GABRB1: variants seen among roughly 807,000 people sequenced by gnomAD.
GABRB1 encodes gamma-aminobutyric acid receptor subunit beta-1.
In GABRB1, 17 loss-of-function variants were observed where a neutral mutation model predicts 51.6. The ratio of observed to expected loss-of-function variants is 0.33; its 90% CI spans 0.23 to 0.49. GABRB1 has a LOEUF of 0.49. GABRB1 is among the 20% of genes least tolerant of loss of function. The pLI is 0.99. For synonymous variants in GABRB1, 247 were observed against 218.9 expected (o/e 1.13, Z -1.14); for missense variants, 410 against 600.6 (o/e 0.68, Z 3.32).
At position 47,370,037 on chromosome 4, in the gene GABRB1, A is replaced by AGG. The variant is rs1560355319; in HGVS notation, c.545-33281_545-33280insGG. ...TAAAGATGCTTCTCTTCAATTTCCT[A>AGG]AAGAACTGTCCCAAACCTGATTTCC... On this transcript the variant is annotated intron_variant, in intron 5 of 8. Transcript: ENST00000295454. 3.0e-3 allele frequency among the ~76,000 whole-genome samples: 455 copies of AGG among 152,256 alleles called. 2 individuals carry two copies. The highest frequency in any genetic ancestry group is 0.01 in the African/African-American group (434 of 41,544).
intron 3 of GABRB1, among the ~76,000 whole-genome samples, chr4:47,160,792 A>T (rs1318376057): frequency 2.0e-5 from 3 of 151,414 alleles, no homozygotes; most frequent in African/African-American, 7.3e-5. Context: ...TTAACTAATT[A>T]TATATTTTTT....
intron 1 of GABRB1, 86 bp downstream of exon 1, chr4:47,031,817 T>C (rs1725315145): frequency 4.0e-6 from 6 of 1,490,880 alleles, no homozygotes; most frequent in East Asian, 4.5e-5. Flanking sequence ...TGCTGGATCA[T>C]GTATCTTGTT....
chr4:47,326,069 A>T lies in GABRB1; in HGVS notation c.544+5860A>T, dbSNP rs185129176. Among the ~76,000 whole-genome samples, 173 of 152,292 alleles carry T rather than the reference A, an allele frequency of 1.1e-3. 1 individual carries two copies. Among genetic ancestry groups the T allele is most frequent in the African/African-American group, 3.9e-3 (164 of 41,576 alleles). On this transcript the variant is annotated intron_variant, in intron 5 of 8. Coordinates refer to ENST00000295454, the MANE Select transcript of GABRB1 (RefSeq NM_000812.4). ...AGTTTTAAATTATACCCTTGATTGG[A>T]GCATGATGAAATCGCCTACGATCCT... is the stretch of plus-strand genomic sequence containing the variant.
chr4:47,403,198 CTAGTT>C, intron 5 of GABRB1, 115 bp from the exon 6 acceptor site: 1 of 1,002,724 alleles, frequency 1.0e-6, no homozygotes, highest in Non-Finnish European at 1.5e-6. Flanking sequence ...GCATACCACC[CTAGTT>C]TAAAGCAATG....
intron 4 of GABRB1, among the ~76,000 whole-genome samples, chr4:47,210,999 G>A (rs1486466782): frequency 6.6e-6 from 1 of 152,182 alleles, no homozygotes; most frequent in Non-Finnish European, 1.5e-5. Context: ...AGAGCTAAGA[G>A]TTCTATTCCC....
chr4:47,259,334 G>T (rs1722334540), intron 4 of GABRB1, among the ~76,000 whole-genome samples: 3 of 152,168 alleles, frequency 2.0e-5, no homozygotes, highest in African/African-American at 7.2e-5. Context: ...AGGGAGAAAA[G>T]AAAATAAAAA....
At chr4:47,078,613 C>T (rs1346829687) in intron 3 of GABRB1, among the ~76,000 whole-genome samples, 2 of 152,082 alleles carry the variant, frequency 1.3e-5, no homozygotes, top group Non-Finnish European at 2.9e-5. Flanking sequence ...GCTTCTTAGT[C>T]TTTCTTACGA....
intron 3 of GABRB1, among the ~76,000 whole-genome samples, chr4:47,099,711 C>G (rs1714639351): frequency 6.6e-6 from 1 of 151,836 alleles, no homozygotes; most frequent in African/African-American, 2.4e-5. Context: ...AGTTGTAGAG[C>G]AGGAAACTTA....
chr4:47,130,204 C>T (rs188967562), intron 3 of GABRB1, among the ~76,000 whole-genome samples: 1 of 152,232 alleles, frequency 6.6e-6, no homozygotes, highest in East Asian at 1.9e-4. Flanking sequence ...CTTTCACTGT[C>T]TTCCCACTTC....
In GABRB1 at chr4:47,322,970, A is replaced by AAACAAC. The variant is rs58096811; in HGVS notation, c.544+2785_544+2790dup. The stretch of plus-strand genomic sequence containing the variant: ...TGTGACAGAGTGAGACTCCATTTCA[A>AAACAAC]AACAACAACAACAACAACAACAACA... On this transcript the variant is annotated intron_variant, in intron 5 of 8. Coordinates refer to ENST00000295454, the MANE Select transcript of GABRB1 (RefSeq NM_000812.4). Among the ~76,000 whole-genome samples, 12 of 150,156 alleles carry AAACAAC rather than the reference A, an allele frequency of 8.0e-5. No homozygotes were observed. In the East Asian group the frequency reaches 1.4e-3, roughly 17 times the overall value.
At chr4:47,199,295 G>A (rs1429217770) in intron 4 of GABRB1, among the ~76,000 whole-genome samples, 1 of 152,192 alleles carries the variant, frequency 6.6e-6, no homozygotes, top group Non-Finnish European at 1.5e-5. Context: ...AGACAAGGGT[G>A]TGGCTGGACA....
chr4:47,384,783 C>T (rs1727729795), intron 5 of GABRB1, among the ~76,000 whole-genome samples: 1 of 152,132 alleles, frequency 6.6e-6, no homozygotes, highest in Non-Finnish European at 1.5e-5. Flanking sequence ...AAAATAAAGG[C>T]ATATTTGACA....
chr4:47,050,259 T>C (rs1192102489), intron 3 of GABRB1, among the ~76,000 whole-genome samples: 2 of 152,164 alleles, frequency 1.3e-5, no homozygotes, highest in Non-Finnish European at 2.9e-5. Context: ...TTAGGCATAA[T>C]GCATTGTGGA....
intron 4 of GABRB1, among the ~76,000 whole-genome samples, chr4:47,228,242 T>G (rs1342175114): frequency 6.6e-6 from 1 of 152,096 alleles, no homozygotes; most frequent in Non-Finnish European, 1.5e-5. Context: ...ATGATATGAT[T>G]TATCCTGAGG....
At chr4:47,114,124 GC>G (rs1431451458) in intron 3 of GABRB1, among the ~76,000 whole-genome samples, 1 of 152,158 alleles carries the variant, frequency 6.6e-6, no homozygotes, top group African/African-American at 2.4e-5. Context: ...CCAGAATCAT[GC>G]GTTATTCCCG....
intron 3 of GABRB1, among the ~76,000 whole-genome samples, chr4:47,095,521 C>T (rs529783700): frequency 2.6e-4 from 40 of 152,200 alleles, no homozygotes; most frequent in Non-Finnish European, 5.4e-4. Context: ...AACATGATGG[C>T]AACTCTACCA....
At chr4:47,387,085 T>G (rs1239190070) in intron 5 of GABRB1, among the ~76,000 whole-genome samples, 2 of 152,196 alleles carry the variant, frequency 1.3e-5, no homozygotes. Context: ...TCCACATTTG[T>G]CTCAATCAAG....
intron 1 of GABRB1, among the ~76,000 whole-genome samples, chr4:47,001,422 G>A (rs1248448842): frequency 1.3e-5 from 2 of 152,202 alleles, no homozygotes; most frequent in Admixed American, 1.3e-4. Flanking sequence ...AATTACAGGT[G>A]TGAGCCACCA....
At chr4:47,214,929 T>A (rs1392358820) in intron 4 of GABRB1, among the ~76,000 whole-genome samples, 1 of 152,192 alleles carries the variant, frequency 6.6e-6, no homozygotes, top group Non-Finnish European at 1.5e-5. Flanking sequence ...AAAGACCATA[T>A]TTCTCAGCTT....
Sources: allele counts gnomAD v4.1 joint callset (sites outside exome capture counted in the v4.1 genomes callset), GRCh38; gene constraint gnomAD v4.1.1; transcripts MANE v1.5; gene names NCBI Gene and HGNC (gene_info 2026-07-23, HGNC 2026-07-21).